UBASH3A: variants seen among roughly 807,000 people sequenced by gnomAD.
UBASH3A encodes ubiquitin-associated and SH3 domain-containing protein A.
Under a neutral mutation model 73.5 loss-of-function variants are expected in UBASH3A, and 63 were observed. The ratio of observed to expected loss-of-function variants is 0.86; its 90% CI spans 0.70 to 1.06. The LOEUF is 1.06. Among genes scored for constraint, UBASH3A ranks in the 50% least tolerant of loss-of-function variants. The probability of loss-of-function intolerance (pLI) is 0.00; values close to 1 mark genes in which losing one functional copy is unlikely to be tolerated. For synonymous variants in UBASH3A, 363 were observed against 351.1 expected, an observed-to-expected ratio of 1.03 and a Z score of -0.38; for missense variants, 860 against 859.0, an observed-to-expected ratio of 1.00 and a Z score of -0.02.
intron 5 of UBASH3A, among the ~76,000 whole-genome samples, chr21:42,414,738 C>A (rs1425505676): frequency 6.6e-6 from 1 of 152,162 alleles, no homozygotes; most frequent in African/African-American, 2.4e-5. Context: ...CAGGAAGGAC[C>A]CTTCCCAGGA....
chr21:42,439,568 G>A (rs1209440800), intron 11 of UBASH3A, among the ~76,000 whole-genome samples: 1 of 152,108 alleles, frequency 6.6e-6, no homozygotes, highest in Non-Finnish European at 1.5e-5. Flanking sequence ...GGAGGCCAGA[G>A]GCAGCTCCAC....
chr21:42,404,248 G>A (rs1035329253), intron 1 of UBASH3A, 190 bp downstream of exon 1: 1 of 382,810 alleles, frequency 2.6e-6, no homozygotes. Flanking sequence ...TCTTGACCAA[G>A]CTTGTCCAAC....
intron 9 of UBASH3A, among the ~76,000 whole-genome samples, chr21:42,433,448 A>G (rs2053571746): frequency 6.6e-6 from 1 of 151,984 alleles, no homozygotes; most frequent in Non-Finnish European, 1.5e-5. Context: ...CCCATATTCC[A>G]CACAGACTCT....
chr21:42,444,726 A>G (rs1401902242), intron 14 of UBASH3A, 83 bp downstream of exon 14: 19 of 1,172,078 alleles, frequency 1.6e-5, no homozygotes, highest in Non-Finnish European at 2.0e-5. Context: ...TCTCGGAATG[A>G]AAACAAGTGT....
intron 9 of UBASH3A, among the ~76,000 whole-genome samples, chr21:42,434,154 T>C (rs1246450239): frequency 2.6e-5 from 4 of 152,122 alleles, no homozygotes; most frequent in Non-Finnish European, 5.9e-5. Flanking sequence ...GTTACCTCAC[T>C]GACACCTCGC....
chr21:42,409,881 C>T (rs976991318), intron 3 of UBASH3A, among the ~76,000 whole-genome samples: 1 of 152,112 alleles, frequency 6.6e-6, no homozygotes, highest in Non-Finnish European at 1.5e-5. Flanking sequence ...CCCATTTTCT[C>T]GTTCATGTGT....
chr21:42,442,345 A>G, intron 11 of UBASH3A, 107 bp from the exon 12 acceptor site: 1 of 1,144,688 alleles, frequency 8.7e-7, no homozygotes. Flanking sequence ...TTTAAAAGGC[A>G]TGATTTAGAC....
chr21:42,411,302 C>G (rs528548753), intron 3 of UBASH3A, among the ~76,000 whole-genome samples: 1 of 151,880 alleles, frequency 6.6e-6, no homozygotes, highest in East Asian at 1.9e-4. Flanking sequence ...CAGATACACA[C>G]AGATATACAC....
In UBASH3A at chr21:42,447,148, G is replaced by A. The variant is rs2053857824; in HGVS notation, c.1940G>A (p.Gly647Glu). 6.2e-7 allele frequency: 1 copy of A among 1,614,194 alleles called. No individual in the cohort carries two copies. ...CCACCGGTGAAGACCCTGACCCACG[G>A]GGCGAACGCAGCATTTAACTGGAGG... ...VNPPVKTLTH[G>E]ANAAFNWRNW... Residue 647 changes from glycine (G) to glutamate (E), a missense_variant, in exon 15 of 15, where the codon GGG (glycine) becomes GAG (glutamate). Physicochemically the swap from Gly to Glu is moderately conservative, Grantham distance 98 (BLOSUM62 -2). Transcript: ENST00000319294.
Position 42,434,957 on chromosome 21 carries a change from A to G in UBASH3A, c.1393+3A>G, listed in dbSNP as rs1893592. On this transcript the variant is annotated splice_donor_region_variant and intron_variant, in intron 10 of 14. Transcript: ENST00000319294. Reference sequence around the variant, plus strand: ...CATTTTCCAGTCCAGAATTGCAGGTATGTTTGAGGACTGTCTAGTAGGAAA... The same window carrying G: ...CATTTTCCAGTCCAGAATTGCAGGTGTGTTTGAGGACTGTCTAGTAGGAAA... 9.3e-6 allele frequency: 15 copies of G among 1,613,774 alleles called. No homozygotes were observed. Among genetic ancestry groups the G allele is most frequent in the Non-Finnish European group, 1.1e-5 (13 of 1,179,890 alleles).
chr21:42,434,943 C>G lies in UBASH3A; in HGVS notation c.1382C>G (p.Ser461Cys). 1.2e-6 allele frequency: 2 copies of G among 1,614,072 alleles called. No individual in the cohort carries two copies. The highest frequency in any genetic ancestry group is 1.7e-6 in the Non-Finnish European group (2 of 1,179,980). ...PPLSSCGIFQ[S>C]RIAGDALLDS... ...TTATCATCGTGTGGCATTTTCCAGT[C>G]CAGAATTGCAGGTATGTTTGAGGAC... Residue 461 changes from serine to cysteine, a missense_variant, in exon 10 of 15, where the codon TCC (serine) becomes TGC (cysteine). By Grantham distance (112) the Ser-to-Cys change is moderately radical (BLOSUM62 -1). Coordinates refer to ENST00000319294, the MANE Select transcript of UBASH3A (RefSeq NM_018961.4).
chr21:42,423,885 A>G (rs1341397296), intron 7 of UBASH3A, among the ~76,000 whole-genome samples: 1 of 152,162 alleles, frequency 6.6e-6, no homozygotes, highest in Admixed American at 6.5e-5. Context: ...GGGAGCATCA[A>G]GACACCCTGA....
At chr21:42,444,254 C>T (rs567063471) in intron 13 of UBASH3A, among the ~76,000 whole-genome samples, 19 of 152,300 alleles carry the variant, frequency 1.2e-4, no homozygotes, top group East Asian at 1.2e-3. Context: ...CTGTGGCTGA[C>T]GGGGCCCAGG....
chr21:42,434,760 C>G, intron 9 of UBASH3A, 72 bp from the exon 10 acceptor site: 2 of 1,523,628 alleles, frequency 1.3e-6, no homozygotes, highest in Non-Finnish European at 1.8e-6. Flanking sequence ...GGGTCTTGGT[C>G]TTGGGAGTTT....
intron 13 of UBASH3A, 128 bp from the exon 14 acceptor site, chr21:42,444,406 C>A: frequency 1.4e-6 from 1 of 725,058 alleles, no homozygotes; most frequent in South Asian, 1.6e-5. Context: ...CTACTTCTAG[C>A]CCGGGGGTCT....
At chr21:42,411,476 C>T (rs2053094347) in intron 3 of UBASH3A, among the ~76,000 whole-genome samples, 2 of 151,988 alleles carry the variant, frequency 1.3e-5, no homozygotes, top group South Asian at 4.2e-4. Context: ...CACACATATG[C>T]ACACAGATAC....
chr21:42,410,068 T>C (rs1337321383), intron 3 of UBASH3A: 1 of 702,104 alleles, frequency 1.4e-6, no homozygotes, highest in South Asian at 1.5e-5. Flanking sequence ...AACTCAAGGA[T>C]GGGTGATTGT....
At position 42,416,414 on chromosome 21, in the gene UBASH3A, C is replaced by T. The variant is rs1355494795; in HGVS notation, c.668-28C>T. Reference sequence around the variant, plus strand: ...AGACATTTAGGTAACGGTGTCCTGGCACCCTCTGTGTTTCCCTGATTTCAC... The same window carrying T: ...AGACATTTAGGTAACGGTGTCCTGGTACCCTCTGTGTTTCCCTGATTTCAC... On this transcript the variant is annotated intron_variant, in intron 5 of 14. Coordinates refer to ENST00000319294, the MANE Select transcript of UBASH3A (RefSeq NM_018961.4). 5 of 1,530,282 alleles carry T rather than the reference C, an allele frequency of 3.3e-6. No homozygotes were observed. In the Admixed American group the frequency reaches 1.0e-4, roughly 31 times the overall value. The allele number at this position is 1,530,282 out of a possible 1,614,324, so 94.8% of individuals were successfully genotyped here.
chr21:42,426,003 G>C lies in UBASH3A; in HGVS notation c.1047-694G>C, dbSNP rs565765040. Among the ~76,000 whole-genome samples the C allele has an allele frequency of 3.9e-5, 6 of 152,274 alleles. 1 individual carries two copies. The South Asian group carries it at 1.2e-3, about 32-fold the overall frequency. ...AGAGAGTGACCGAGAGAGAAAGAGA[G>C]AGAGAGATCTAGTTGAAGGAATTGG... is the stretch of plus-strand genomic sequence containing the variant. On this transcript the variant is annotated intron_variant, in intron 7 of 14. Transcript: ENST00000319294.
Sources: allele counts gnomAD v4.1 joint callset (sites outside exome capture counted in the v4.1 genomes callset), GRCh38; gene constraint gnomAD v4.1.1; transcripts MANE v1.5; gene names NCBI Gene and HGNC (gene_info 2026-07-23, HGNC 2026-07-21).